The following MTMR12 variants were observed in gnomAD, a reference collection of about 807,000 sequenced individuals.
The protein encoded by MTMR12 is myotubularin-related protein 12.
MTMR12 carries 33 observed loss-of-function variants against 96.7 expected under a neutral mutation model. That is an observed-to-expected ratio of 0.34 (90% CI 0.26 to 0.46). MTMR12 has a LOEUF of 0.46. MTMR12 is among the 20% of genes least tolerant of loss of function. The pLI is 1.00. For synonymous variants in MTMR12, 298 were observed against 327.2 expected, an observed-to-expected ratio of 0.91 and a Z score of 0.96; for missense variants, 721 against 896.1, an observed-to-expected ratio of 0.80 and a Z score of 2.49.
intron 1 of MTMR12, among the ~76,000 whole-genome samples, chr5:32,277,964 G>A (rs565994402): frequency 6.6e-6 from 1 of 152,314 alleles, no homozygotes; most frequent in East Asian, 1.9e-4. Context: ...ACAAGACAGT[G>A]CCAAGGGATA....
At chr5:32,273,306 T>C (rs1749912204) in intron 3 of MTMR12, among the ~76,000 whole-genome samples, 2 of 152,046 alleles carry the variant, frequency 1.3e-5, no homozygotes, top group African/African-American at 4.8e-5. Flanking sequence ...GAGGCTGAGG[T>C]GGGAGGATTA....
At chr5:32,284,090 T>C (rs1750419359) in intron 1 of MTMR12, among the ~76,000 whole-genome samples, 1 of 152,026 alleles carries the variant, frequency 6.6e-6, no homozygotes, top group Non-Finnish European at 1.5e-5. Flanking sequence ...CCGGATCACT[T>C]GAGCTTAAGA....
At position 32,228,620 on chromosome 5, in the gene MTMR12, A is replaced by T. The variant is rs1747864777; in HGVS notation, c.*1158T>A. On this transcript the variant is annotated 3_prime_UTR_variant, in exon 16 of 16. Transcript: ENST00000382142. ...TATATATATATATCATATATATGAT[A>T]TATATATATCACATATATATCATAT... is the stretch of plus-strand genomic sequence containing the variant. The T allele has an allele frequency of 6.9e-6, 1 of 144,026 alleles. No individual in the cohort carries two copies. The highest frequency in any genetic ancestry group is 1.5e-5 in the Non-Finnish European group (1 of 66,210). The allele number at this position is 144,026 out of a possible 1,614,324, so 8.9% of individuals were successfully genotyped here.
At chr5:32,255,877 G>A (rs1482292593) in intron 7 of MTMR12, 109 bp from the exon 8 acceptor site, 1 of 947,636 alleles carries the variant, frequency 1.1e-6, no homozygotes, top group Non-Finnish European at 1.6e-6. Context: ...AAGCAGATGG[G>A]ACCATATTTC....
In MTMR12 at chr5:32,295,261, G is replaced by A. The variant is rs553754306; in HGVS notation, c.81+17497C>T. On this transcript the variant is annotated intron_variant, in intron 1 of 15. Transcript: ENST00000382142. The stretch of plus-strand genomic sequence containing the variant: ...TCTATTCCACTAGCTATATACTTTC[G>A]GCAGTTACAAGCAACAATTACTCTG... 2.6e-5 allele frequency among the ~76,000 whole-genome samples: 4 copies of A among 152,270 alleles called. No homozygotes were observed. In the South Asian group the frequency reaches 8.3e-4, roughly 32 times the overall value.
At position 32,229,707 on chromosome 5, in the gene MTMR12, C is replaced by T. The variant is rs560074467; in HGVS notation, c.*71G>A. 4.0e-5 allele frequency: 58 copies of T among 1,432,724 alleles called. No individual in the cohort carries two copies. The African/African-American group carries it at 4.2e-4, about 10-fold the overall frequency. 88.8% of individuals were successfully genotyped at this position (1,432,724 alleles called of 1,614,324 possible). On this transcript the variant is annotated 3_prime_UTR_variant, in exon 16 of 16. Transcript: ENST00000382142. Reference sequence around the variant, plus strand: ...AGGACCCAGCCAGCATGAGCTGTAGCGTGACACAAATCCAGGGATCAGCTG... The same window carrying T: ...AGGACCCAGCCAGCATGAGCTGTAGTGTGACACAAATCCAGGGATCAGCTG...
intron 1 of MTMR12, among the ~76,000 whole-genome samples, chr5:32,310,298 GTC>G (rs887861850): frequency 6.6e-6 from 1 of 152,106 alleles, no homozygotes; most frequent in African/African-American, 2.4e-5. Context: ...GCAAGATCCT[GTC>G]TCTAAAAAAG....
At chr5:32,299,494 A>G (rs1436589713) in intron 1 of MTMR12, among the ~76,000 whole-genome samples, 1 of 152,230 alleles carries the variant, frequency 6.6e-6, no homozygotes, top group Non-Finnish European at 1.5e-5. Context: ...AGCTGCAGAG[A>G]CACATGGCAT....
chr5:32,237,410 G>A (rs1748281281), intron 13 of MTMR12, among the ~76,000 whole-genome samples: 1 of 152,166 alleles, frequency 6.6e-6, no homozygotes, highest in Non-Finnish European at 1.5e-5. Context: ...TCCAGGCCTG[G>A]AGCGATTAGT....
chr5:32,262,024 A>G (rs967597054), intron 7 of MTMR12, among the ~76,000 whole-genome samples: 22 of 152,264 alleles, frequency 1.4e-4, no homozygotes, highest in African/African-American at 5.3e-4. Context: ...GTGGACCGAG[A>G]TCACGCCACT....
intron 10 of MTMR12, among the ~76,000 whole-genome samples, chr5:32,245,096 C>T (rs918979527): frequency 2.0e-5 from 3 of 152,128 alleles, no homozygotes; most frequent in Non-Finnish European, 4.4e-5. Context: ...TGTGCAATGG[C>T]ACAATCTCAG....
chr5:32,244,049 T>C (rs1748579824), intron 10 of MTMR12, among the ~76,000 whole-genome samples: 1 of 152,176 alleles, frequency 6.6e-6, no homozygotes. Context: ...CAGCATACCA[T>C]GACATGACTC....
rs1747824018 is a variant in MTMR12 at position 32,228,534 on chromosome 5, G to GATACATATATGATATATATGTGAT, written c.*1243_*1244insATCACATATATATCATATATGTAT. 7 of 87,524 alleles carry GATACATATATGATATATATGTGAT rather than the reference G, an allele frequency of 8.0e-5. No individual in the cohort carries two copies. The highest frequency in any genetic ancestry group is 2.5e-4 in the Admixed American group (2 of 7,980). 5.4% of individuals were successfully genotyped at this position (87,524 alleles called of 1,614,324 possible). ...TAAAAAAAATATATATCATATATATGATATATATATCATATATATGTGATA... is the reference window on the plus strand; with the variant it reads ...TAAAAAAAATATATATCATATATATGATACATATATGATATATATGTGATATATATATATCATATATATGTGATA... On this transcript the variant is annotated 3_prime_UTR_variant, in exon 16 of 16. Transcript: ENST00000382142.
At chr5:32,267,522 TTAAAAGATTGCTC>T (rs1220104194) in intron 6 of MTMR12, among the ~76,000 whole-genome samples, 4 of 152,234 alleles carry the variant, frequency 2.6e-5, no homozygotes, top group Non-Finnish European at 5.9e-5. Context: ...AGTTTTGTTC[TTAAAAGATTGCTC>T]TCTTTTTCAC....
intron 1 of MTMR12, among the ~76,000 whole-genome samples, chr5:32,281,675 G>A (rs1422996026): frequency 6.6e-6 from 1 of 151,956 alleles, no homozygotes; most frequent in African/African-American, 2.4e-5. Flanking sequence ...GCTGGGGCGG[G>A]TGGATCACAA....
At position 32,239,136 on chromosome 5, in the gene MTMR12, A is replaced by C. The variant is rs1348499233; in HGVS notation, c.1209T>G (p.Ser403=). The C allele has an allele frequency of 6.2e-7, 1 of 1,606,688 alleles. No individual in the cohort carries two copies. The highest frequency in any genetic ancestry group is 8.5e-7 in the Non-Finnish European group (1 of 1,176,410). Reference sequence around the variant, plus strand: ...GGGGGTCCATCATCAGTTGCACCAGAGAGGAAATGAGACAGCAGAGGTCGG... The same window carrying C: ...GGGGGTCCATCATCAGTTGCACCAGCGAGGAAATGAGACAGCAGAGGTCGG... ...NASDLCCLIS[S]LVQLMMDPHC... is the part of the protein sequence containing the mutation. The change falls in exon 13 of 16, where the codon TCT becomes TCG. Residue 403 remains serine, a synonymous_variant. Transcript: ENST00000382142.
intron 7 of MTMR12, 107 bp downstream of exon 7, chr5:32,263,006 C>G: frequency 7.2e-7 from 1 of 1,379,410 alleles, no homozygotes; most frequent in Non-Finnish European, 9.8e-7. Flanking sequence ...TGAAAATGTT[C>G]TAAATTGACT....
chr5:32,312,508 G>A lies in MTMR12; in HGVS notation c.81+250C>T, dbSNP rs938454433. On this transcript the variant is annotated intron_variant, in intron 1 of 15. Coordinates refer to ENST00000382142, the MANE Select transcript of MTMR12 (RefSeq NM_001040446.3). The surrounding 1 kb of genome is among the most constrained non-coding windows in gnomAD (Gnocchi z 5.0). ...CCGGGCCGCAATCCCTTCTCGGCTC[G>A]GGCCCCTCCACCAGCCTCCAGCGCT... 6.6e-6 allele frequency among the ~76,000 whole-genome samples: 1 copy of A among 152,120 alleles called. No homozygotes were observed. The highest frequency in any genetic ancestry group is 1.9e-4 in the East Asian group (1 of 5,180).
chr5:32,241,974 C>T (rs1412989177), intron 12 of MTMR12, 83 bp downstream of exon 12: 3 of 1,167,830 alleles, frequency 2.6e-6, no homozygotes, highest in Non-Finnish European at 3.7e-6. Flanking sequence ...CTTTTGTTTC[C>T]AAATACATAA....
Sources: allele counts gnomAD v4.1 joint callset (sites outside exome capture counted in the v4.1 genomes callset), GRCh38; gene constraint gnomAD v4.1.1; non-coding constraint Gnocchi (gnomAD v3.1); transcripts MANE v1.5; gene names NCBI Gene and HGNC (gene_info 2026-07-23, HGNC 2026-07-21).